The following PDE1A variants were observed in gnomAD, a reference collection of about 807,000 sequenced individuals.
PDE1A encodes the protein phosphodiesterase 1A, also known as dual specificity calcium/calmodulin-dependent 3',5'-cyclic nucleotide phosphodiesterase 1A.
Under a neutral mutation model 61.7 loss-of-function variants are expected in PDE1A, and 35 were observed. That is an observed-to-expected ratio of 0.57 (90% CI 0.43 to 0.75). The LOEUF (loss-of-function observed/expected upper bound fraction) is 0.75. Among genes scored for constraint, PDE1A ranks in the 30% least tolerant of loss-of-function variants. The pLI is 0.00. For missense variants in PDE1A, 597 were observed against 630.6 expected (o/e 0.95, Z 0.57); for synonymous variants, 232 against 213.2 (o/e 1.09, Z -0.77).
chr2:182,233,119 A>G (rs2568660), intron 4 of PDE1A, among the ~76,000 whole-genome samples: 110,383 of 152,120 alleles, frequency 0.73, 40,760 homozygotes, highest in African/African-American at 0.87. Context: ...TTTAAGCAAA[A>G]ATTCTTAAAA....
At chr2:182,398,062 G>A (rs1399599685) in intron 1 of PDE1A, among the ~76,000 whole-genome samples, 1 of 151,724 alleles carries the variant, frequency 6.6e-6, no homozygotes, top group Non-Finnish European at 1.5e-5. Context: ...GATAGATGAG[G>A]CAAGAAATGA....
At chr2:182,163,167 C>A (rs548314205), downstream of PDE1A, among the ~76,000 whole-genome samples, 2 of 152,124 alleles carry the variant, frequency 1.3e-5, no homozygotes, top group Non-Finnish European at 2.9e-5. Context: ...TTACCCAAGT[C>A]GTGACTCTAA....
At chr2:182,322,201 T>C (rs979046546) in intron 1 of PDE1A, among the ~76,000 whole-genome samples, 1 of 152,174 alleles carries the variant, frequency 6.6e-6, no homozygotes, top group African/African-American at 2.4e-5. Flanking sequence ...TGTATGAAAA[T>C]TTCTTAATAT....
At chr2:182,522,483 T>C (rs1348804802) in intron 1 of PDE1A, 1 of 1,554,138 alleles carries the variant, frequency 6.4e-7, no homozygotes, top group African/African-American at 1.4e-5. Flanking sequence ...CTCTCTTATC[T>C]ATCAAAACAG....
chr2:182,617,317 ATGT>A, the PDE1A span, among the ~76,000 whole-genome samples: 1 of 152,152 alleles, frequency 6.6e-6, no homozygotes, highest in Non-Finnish European at 1.5e-5. Flanking sequence ...CACCCCACAC[ATGT>A]TGTCACACAT....
intron 2 of PDE1A, among the ~76,000 whole-genome samples, chr2:182,247,758 C>T (rs1489749952): frequency 6.6e-6 from 1 of 152,172 alleles, no homozygotes; most frequent in Admixed American, 6.5e-5. Context: ...ATGAAAATAT[C>T]TGAATACTTG....
the PDE1A span, among the ~76,000 whole-genome samples, chr2:182,645,623 G>A: frequency 2.0e-5 from 3 of 151,922 alleles, no homozygotes; most frequent in African/African-American, 7.3e-5. Flanking sequence ...AAATCATTAT[G>A]CTCAAAAAAA....
chr2:182,385,484 G>C (rs1700976598), intron 1 of PDE1A, among the ~76,000 whole-genome samples: 1 of 151,702 alleles, frequency 6.6e-6, no homozygotes, highest in Admixed American at 6.6e-5. Flanking sequence ...GTTTTTATTG[G>C]CTTAAAAGAA....
downstream of PDE1A, chr2:182,146,957 A>G: frequency 1.8e-6 from 1 of 550,658 alleles, no homozygotes; most frequent in Non-Finnish European, 3.1e-6. Context: ...GCATTTAAAT[A>G]AGAAAATTTC....
chr2:182,204,476 A>G (rs1574681348), intron 8 of PDE1A, among the ~76,000 whole-genome samples: 1 of 152,082 alleles, frequency 6.6e-6, no homozygotes, highest in African/African-American at 2.4e-5. Context: ...AGCAAAACCA[A>G]TCCCTCCTCT....
intron 2 of PDE1A, chr2:182,241,977 C>A: frequency 6.8e-7 from 1 of 1,479,506 alleles, no homozygotes; most frequent in African/African-American, 1.4e-5. Context: ...GAAAATATCA[C>A]TACTTTAAAG....
At chr2:182,580,203 C>G in the PDE1A span, among the ~76,000 whole-genome samples, 1 of 152,168 alleles carries the variant, frequency 6.6e-6, no homozygotes, top group African/African-American at 2.4e-5. Flanking sequence ...CTCAGTACCT[C>G]AGAATGTGAC....
At chr2:182,177,863 C>T (rs1684403514) in intron 13 of PDE1A, among the ~76,000 whole-genome samples, 2 of 152,102 alleles carry the variant, frequency 1.3e-5, no homozygotes, top group South Asian at 2.1e-4. Context: ...TCAGTTCCAT[C>T]ACATTAAATC....
intron 2 of PDE1A, among the ~76,000 whole-genome samples, chr2:182,507,475 C>CT (rs1689485851): frequency 5.3e-5 from 8 of 152,138 alleles, no homozygotes; most frequent in Admixed American, 5.2e-4. Context: ...TCTCACCAGG[C>CT]TTCTTCACAC....
chr2:182,155,212 C>A (rs545765788), intron 13 of PDE1A, among the ~76,000 whole-genome samples: 1 of 151,842 alleles, frequency 6.6e-6, no homozygotes, highest in East Asian at 1.9e-4. Flanking sequence ...TTCAGACTCC[C>A]AAGTAGCTGG....
chr2:182,403,115 T>C (rs1294708861), intron 1 of PDE1A, among the ~76,000 whole-genome samples: 3 of 149,904 alleles, frequency 2.0e-5, no homozygotes, highest in African/African-American at 7.6e-5. Context: ...GACAGTGTGA[T>C]GATTCCTCAA....
At chr2:182,442,950 C>A (rs562737883) in intron 2 of PDE1A, among the ~76,000 whole-genome samples, 1 of 151,956 alleles carries the variant, frequency 6.6e-6, no homozygotes, top group East Asian at 1.9e-4. Flanking sequence ...GATTTACAAA[C>A]AAAACAAAAC....
At chr2:182,502,550 T>C (rs1689146682) in intron 2 of PDE1A, among the ~76,000 whole-genome samples, 1 of 152,160 alleles carries the variant, frequency 6.6e-6, no homozygotes, top group Non-Finnish European at 1.5e-5. Flanking sequence ...CCTGACCCCC[T>C]ATCTGTCCAG....
intron 13 of PDE1A, among the ~76,000 whole-genome samples, chr2:182,147,709 G>C (rs73040173): frequency 7.2e-5 from 11 of 152,212 alleles, no homozygotes; most frequent in Admixed American, 2.0e-4. Context: ...GAGAATCTAT[G>C]AAAATAGAAG....
Sources: gnomAD v4.1 joint callset for allele counts (sites outside exome capture counted in the v4.1 genomes callset) on GRCh38, gnomAD v4.1.1 for gene constraint, MANE v1.5 for transcripts, NCBI Gene and HGNC (gene_info 2026-07-23, HGNC 2026-07-21) for gene names.